LRMDA: variants seen among roughly 807,000 people sequenced by gnomAD.
LRMDA encodes leucine rich melanocyte differentiation associated.
In LRMDA, 18 loss-of-function variants were observed where a neutral mutation model predicts 29.8. The ratio of observed to expected loss-of-function variants is 0.60; its 90% CI spans 0.42 to 0.90. The LOEUF is 0.90. Ranked by LOEUF, LRMDA falls within the 40% of genes least tolerant of loss-of-function variation. The pLI is 0.00. For synonymous variants in LRMDA, 125 were observed against 109.4 expected, an observed-to-expected ratio of 1.14 and a Z score of -0.89; for missense variants, 273 against 273.9, an observed-to-expected ratio of 1.00 and a Z score of 0.02.
chr10:75,984,412 C>T (rs1213335743), intron 2 of LRMDA, among the ~76,000 whole-genome samples: 2 of 152,228 alleles, frequency 1.3e-5, no homozygotes, highest in Non-Finnish European at 1.5e-5. Flanking sequence ...GTCAACTTCT[C>T]TGCCCTGTGT....
At chr10:76,538,861 T>C (rs1418803375) in intron 6 of LRMDA, among the ~76,000 whole-genome samples, 3 of 152,166 alleles carry the variant, frequency 2.0e-5, no homozygotes, top group South Asian at 2.1e-4. Flanking sequence ...GTTATTTTTA[T>C]TTGACAAACC....
chr10:75,630,318 C>A (rs1328614333), intron 2 of LRMDA, among the ~76,000 whole-genome samples: 1 of 152,226 alleles, frequency 6.6e-6, no homozygotes, highest in Non-Finnish European at 1.5e-5. Context: ...CCCCCGCTTC[C>A]CTCTCCACTC....
At chr10:76,554,610 C>A (rs759993308) in intron 6 of LRMDA, among the ~76,000 whole-genome samples, 17 of 152,224 alleles carry the variant, frequency 1.1e-4, no homozygotes, top group South Asian at 8.3e-4. Flanking sequence ...TGCTTCCAGG[C>A]CCAAAGAAAC....
intron 2 of LRMDA, among the ~76,000 whole-genome samples, chr10:75,744,181 C>A (rs1043755561): frequency 1.3e-5 from 2 of 152,136 alleles, no homozygotes; most frequent in South Asian, 4.1e-4. Context: ...AGAGTAAAGG[C>A]GGTTGGTAAT....
intron 6 of LRMDA, among the ~76,000 whole-genome samples, chr10:76,363,057 C>G (rs1420091372): frequency 6.7e-6 from 1 of 148,296 alleles, no homozygotes; most frequent in East Asian, 2.0e-4. Flanking sequence ...AAAAAGTGTA[C>G]AAATGTGCTT....
rs1589364397 is a variant in LRMDA, at chr10:76,176,458, C to A, written c.516+117675C>A. On this transcript the variant is annotated intron_variant, in intron 5 of 6. Transcript: ENST00000611255. Reference sequence around the variant, plus strand: ...GCACTGGCACACACCAGAGTACATGCAGAAATAATACAGTAAAATCATAGG... The same window carrying A: ...GCACTGGCACACACCAGAGTACATGAAGAAATAATACAGTAAAATCATAGG... Among the ~76,000 whole-genome samples the A allele has an allele frequency of 2.6e-5, 4 of 152,286 alleles. No individual in the cohort carries two copies. In the South Asian group the frequency reaches 8.3e-4, roughly 32 times the overall value.
At chr10:76,181,468 C>T (rs749176363) in intron 5 of LRMDA, among the ~76,000 whole-genome samples, 1 of 152,194 alleles carries the variant, frequency 6.6e-6, no homozygotes, top group Non-Finnish European at 1.5e-5. Context: ...AAAACACTAA[C>T]GCCTTTTTTC....
At chr10:76,131,190 G>A (rs952125236) in intron 5 of LRMDA, among the ~76,000 whole-genome samples, 4 of 152,254 alleles carry the variant, frequency 2.6e-5, no homozygotes, top group African/African-American at 9.6e-5. Context: ...ACTCCTGCTT[G>A]TCACAAATGC....
chr10:76,133,267 CGTGTGT>C (rs3042574), intron 5 of LRMDA, among the ~76,000 whole-genome samples: 73 of 150,802 alleles, frequency 4.8e-4, no homozygotes, highest in African/African-American at 1.6e-3. Context: ...ATATTTATTT[CGTGTGT>C]GTGTGTGTGT....
At chr10:75,476,684 A>G (rs1589154612) in intron 2 of LRMDA, among the ~76,000 whole-genome samples, 1 of 152,176 alleles carries the variant, frequency 6.6e-6, no homozygotes, top group African/African-American at 2.4e-5. Context: ...CTCCAGCCAC[A>G]TGAACTGACT....
At chr10:75,950,503 G>C (rs1008284768) in intron 2 of LRMDA, among the ~76,000 whole-genome samples, 1 of 152,190 alleles carries the variant, frequency 6.6e-6, no homozygotes, top group African/African-American at 2.4e-5. Flanking sequence ...CCCTGTTTGA[G>C]GGCCGACTCA....
chr10:76,142,523 T>TC (rs1239243876), intron 5 of LRMDA, among the ~76,000 whole-genome samples: 1 of 151,654 alleles, frequency 6.6e-6, no homozygotes, highest in East Asian at 1.9e-4. Context: ...CGCTTGATTT[T>TC]TTTTTCTGGG....
At chr10:75,529,377 A>G (rs1457936495) in intron 2 of LRMDA, among the ~76,000 whole-genome samples, 2 of 152,240 alleles carry the variant, frequency 1.3e-5, no homozygotes, top group African/African-American at 2.4e-5. Context: ...GAAGCAGTCA[A>G]GATTGAGGGA....
At chr10:76,536,749 C>G (rs190220737) in intron 6 of LRMDA, among the ~76,000 whole-genome samples, 1 of 152,200 alleles carries the variant, frequency 6.6e-6, no homozygotes, top group East Asian at 1.9e-4. Context: ...TAAGATTGAT[C>G]ATTTGGCTAA....
intron 5 of LRMDA, among the ~76,000 whole-genome samples, chr10:76,137,772 C>CA (rs36038656): frequency 0.015 from 1,882 of 122,066 alleles, 14 homozygotes; most frequent in African/African-American, 0.033. Flanking sequence ...GTCCCTATGG[C>CA]AAAAAAAAAA....
At position 75,768,097 on chromosome 10, in the gene LRMDA, C is replaced by T. The variant is rs577545819; in HGVS notation, c.132-267911C>T. Among the ~76,000 whole-genome samples, 11 of 152,280 alleles carry T rather than the reference C, an allele frequency of 7.2e-5. No homozygotes were observed. The South Asian group carries it at 2.3e-3, about 32-fold the overall frequency. On this transcript the variant is annotated intron_variant, in intron 2 of 6. Transcript: ENST00000611255. ...GATTTCAGACTTCTAGTCTCCAGGACTGTGGGGAAATGAATTTTTGTTGTT... is the reference window on the plus strand; with the variant it reads ...GATTTCAGACTTCTAGTCTCCAGGATTGTGGGGAAATGAATTTTTGTTGTT...
At chr10:75,764,702 G>A (rs528371450) in intron 2 of LRMDA, among the ~76,000 whole-genome samples, 35 of 152,302 alleles carry the variant, frequency 2.3e-4, no homozygotes, top group Admixed American at 1.6e-3. Flanking sequence ...ATGGAAAAAA[G>A]CAACTCATCC....
intron 2 of LRMDA, among the ~76,000 whole-genome samples, chr10:75,856,975 T>G (rs1197187936): frequency 6.6e-6 from 1 of 152,180 alleles, no homozygotes; most frequent in African/African-American, 2.4e-5. Context: ...ATAGGCAACT[T>G]CAGCAAAGTC....
intron 2 of LRMDA, among the ~76,000 whole-genome samples, chr10:75,872,309 T>C (rs1298254570): frequency 3.9e-5 from 6 of 152,236 alleles, no homozygotes; most frequent in African/African-American, 1.2e-4. Context: ...TCTTTTTTTT[T>C]TTAATTTTTG....
Sources: gnomAD v4.1 joint callset for allele counts (sites outside exome capture counted in the v4.1 genomes callset) on GRCh38, gnomAD v4.1.1 for gene constraint, MANE v1.5 for transcripts, NCBI Gene and HGNC (gene_info 2026-07-23, HGNC 2026-07-21) for gene names.